Variants in SP100 observed in about 807,000 individuals in gnomAD.
SP100 encodes nuclear autoantigen Sp-100.
A neutral mutation model predicts 130.0 loss-of-function variants in SP100; 84 were observed. That is an observed-to-expected ratio of 0.65 (90% CI 0.54 to 0.77). The LOEUF (loss-of-function observed/expected upper bound fraction) is 0.77, where lower values mean the gene tolerates loss of function less well. Ranked by LOEUF, SP100 falls within the 30% of genes least tolerant of loss-of-function variation. SP100 has a pLI of 0.00. For synonymous variants in SP100, 331 were observed against 351.7 expected, an observed-to-expected ratio of 0.94 and a Z score of 0.66; for missense variants, 978 against 1,052.2, an observed-to-expected ratio of 0.93 and a Z score of 0.97.
Position 230,444,240 on chromosome 2 carries a change from T to G in SP100, c.333T>G (p.Ser111Arg). Reference sequence around the variant, plus strand: ...AGAGAGTGGTGTACAATGTTCTTAGTGAACTGGAGAAGACATTTAACCTGC... The same window carrying G: ...AGAGAGTGGTGTACAATGTTCTTAGGGAACTGGAGAAGACATTTAACCTGC... ...PVQRVVYNVL[S>R]ELEKTFNLPV... The change falls in exon 4 of 29, where the codon AGT becomes AGG. Residue 111 changes from serine (S) to arginine (R), a missense_variant. Physicochemically the swap from Ser to Arg is moderately radical, Grantham distance 110 (BLOSUM62 -1). Transcript: ENST00000340126. 1 of 1,612,750 alleles carries G rather than the reference T, an allele frequency of 6.2e-7. No homozygotes were observed. The highest frequency in any genetic ancestry group is 8.5e-7 in the Non-Finnish European group (1 of 1,178,730).
chr2:230,449,580 T>C lies in SP100; in HGVS notation c.606T>C (p.Asn202=), dbSNP rs148056053. ...GTTTAGGTACAACCCCACCTGAAAATGGACTCTCAGAGCACCCCTGTGAAA... is the reference window on the plus strand; with the variant it reads ...GTTTAGGTACAACCCCACCTGAAAACGGACTCTCAGAGCACCCCTGTGAAA... ...PSHAGTTPPE[N]GLSEHPCETE... is the part of the protein sequence containing the mutation. Residue 202 remains asparagine, a synonymous_variant, in exon 7 of 29, where the codon AAT becomes AAC. Transcript: ENST00000340126. 1.1e-5 allele frequency: 17 copies of C among 1,613,808 alleles called. No homozygotes were observed. The African/African-American group carries it at 1.5e-4, about 14-fold the overall frequency.
intron 15 of SP100, 190 bp downstream of exon 15, chr2:230,470,288 A>G: frequency 7.6e-7 from 1 of 1,319,232 alleles, no homozygotes. Context: ...GTTTAACAGA[A>G]AGAGTTTCAC....
chr2:230,482,023 T>C (rs990141913), intron 17 of SP100, among the ~76,000 whole-genome samples: 3 of 152,210 alleles, frequency 2.0e-5, no homozygotes, highest in Non-Finnish European at 4.4e-5. Context: ...TAGTTACATA[T>C]GTATACATGT....
intron 24 of SP100, among the ~76,000 whole-genome samples, chr2:230,532,396 A>C (rs1691740169): frequency 6.6e-6 from 1 of 152,112 alleles, no homozygotes; most frequent in Admixed American, 6.5e-5. Context: ...AAAAACTGTG[A>C]TATAGGTACA....
At position 230,515,252 on chromosome 2, in the gene SP100, C is replaced by T. The variant is rs749552018; in HGVS notation, c.2094+4086C>T. The T allele has an allele frequency of 6.1e-5, 99 of 1,613,094 alleles. 1 individual carries two copies. The Middle Eastern group carries it at 1.2e-3, about 19-fold the overall frequency. The stretch of plus-strand genomic sequence containing the variant: ...GCCCATTATGAAAGAGAAATGAAAA[C>T]CTATATCCCTCCTAAAGGGGAGAAA... On this transcript the variant is annotated intron_variant, in intron 24 of 28. Transcript: ENST00000340126.
intron 24 of SP100, among the ~76,000 whole-genome samples, chr2:230,536,786 G>A (rs1691960482): frequency 1.7e-5 from 1 of 60,532 alleles, no homozygotes; most frequent in African/African-American, 3.7e-5. Context: ...TCAGTGATTG[G>A]CTTTCTGCGT....
chr2:230,438,645 A>G (rs1199387270), intron 2 of SP100, among the ~76,000 whole-genome samples: 6 of 117,982 alleles, frequency 5.1e-5, no homozygotes, highest in Admixed American at 5.1e-4. Flanking sequence ...TGGTGTATAT[A>G]TATACACACA....
intron 23 of SP100, chr2:230,508,310 A>ATTTTTT: frequency 7.7e-6 from 1 of 129,140 alleles, no homozygotes; most frequent in South Asian, 1.7e-4. Flanking sequence ...TAAATGCCAT[A>ATTTTTT]CTTTTTTTTT....
chr2:230,515,090 G>C (rs977895815), intron 24 of SP100: 1 of 1,612,426 alleles, frequency 6.2e-7, no homozygotes. Flanking sequence ...GTGCAAACTT[G>C]TCAGGAGGAG....
In SP100 at chr2:230,461,317, A is replaced by T. The variant is rs750142442; in HGVS notation, c.876A>T (p.Arg292=). 5.6e-6 allele frequency: 9 copies of T among 1,614,098 alleles called. No homozygotes were observed. Among genetic ancestry groups the T allele is most frequent in the Non-Finnish European group, 7.6e-6 (9 of 1,179,958 alleles). Residue 292 remains arginine (R), a synonymous_variant, in exon 9 of 29, where the codon CGA becomes CGT. Coordinates refer to ENST00000340126, the MANE Select transcript of SP100 (RefSeq NM_001080391.2). ...HGIQINSCSV[R]LVDIKKEKPF... Reference sequence around the variant, plus strand: ...TCCAAATTAATTCCTGTTCTGTGCGACTGGTGGATATAAAAAAGGAAAAGC... The same window carrying T: ...TCCAAATTAATTCCTGTTCTGTGCGTCTGGTGGATATAAAAAAGGAAAAGC...
rs1453834271 is a variant in SP100, at chr2:230,545,122, CACAT to C, written c.*2177_*2180del. Among the ~76,000 whole-genome samples the C allele has an allele frequency of 6.6e-6, 1 of 152,202 alleles. No individual in the cohort carries two copies. On this transcript the variant is annotated 3_prime_UTR_variant, in exon 29 of 29. Transcript: ENST00000340126. ...AATATAAATCATTCTACCATAAAGA[CACAT>C]GCATGCAAATGTCCACTGCAGCACT... is the stretch of plus-strand genomic sequence containing the variant.
chr2:230,428,292 G>C (rs1184181847), intron 2 of SP100, among the ~76,000 whole-genome samples: 20 of 152,144 alleles, frequency 1.3e-4, no homozygotes, highest in Non-Finnish European at 2.5e-4. Flanking sequence ...ATAAAGAAAA[G>C]AGGTTTAATT....
chr2:230,433,314 C>T (rs1039582516), intron 2 of SP100, among the ~76,000 whole-genome samples: 2 of 152,076 alleles, frequency 1.3e-5, no homozygotes, highest in East Asian at 1.9e-4. Flanking sequence ...GACCAAAAAC[C>T]TAAGGATTTA....
rs1021444918 is a variant in SP100, at chr2:230,507,996, A to G, written c.2017A>G (p.Lys673Glu). The G allele has an allele frequency of 3.7e-6, 6 of 1,613,158 alleles. No individual in the cohort carries two copies. The Admixed American group carries it at 6.7e-5, about 18-fold the overall frequency. The change falls in exon 23 of 29, where the codon AAA (lysine) becomes GAA (glutamate). Residue 673 changes from lysine (K) to glutamate (E), a missense_variant. Physicochemically the swap from Lys to Glu is moderately conservative, Grantham distance 56. Transcript: ENST00000340126. Reference sequence around the variant, plus strand: ...ATTTATCTCTTTTCTTTTTTAGAACAAATTTCTGCCAGAACCACCAAGCAC... The same window carrying G: ...ATTTATCTCTTTTCTTTTTTAGAACGAATTTCTGCCAGAACCACCAAGCAC... ...GYTLKVLMEN[K>E]FLPEPPSTRK...
intron 4 of SP100, among the ~76,000 whole-genome samples, chr2:230,445,950 G>A (rs1455605662): frequency 1.3e-5 from 2 of 152,092 alleles, no homozygotes; most frequent in Non-Finnish European, 2.9e-5. Context: ...CCATCAGGGA[G>A]ATGCTGCTGA....
At chr2:230,493,361 G>A (rs1023488761) in intron 17 of SP100, among the ~76,000 whole-genome samples, 1 of 152,138 alleles carries the variant, frequency 6.6e-6, no homozygotes, top group Non-Finnish European at 1.5e-5. Context: ...GGGACTACAG[G>A]CATGTGCCAC....
chr2:230,516,227 T>TA (rs890380128), intron 24 of SP100: 34 of 227,174 alleles, frequency 1.5e-4, no homozygotes, highest in African/African-American at 7.7e-4. Flanking sequence ...AAAGCCTTGG[T>TA]AAAATAATCA....
At chr2:230,449,805 G>GC in intron 7 of SP100, 95 bp downstream of exon 7, 2 of 1,301,416 alleles carry the variant, frequency 1.5e-6, no homozygotes, top group Non-Finnish European at 2.2e-6. Flanking sequence ...GGAGACACCT[G>GC]TTTAACAAGC....
intron 2 of SP100, among the ~76,000 whole-genome samples, chr2:230,437,315 T>A (rs1267567866): frequency 6.6e-6 from 1 of 152,180 alleles, no homozygotes; most frequent in African/African-American, 2.4e-5. Flanking sequence ...ATTGGTTTTC[T>A]CTTTCTTCTT....
Sources: gnomAD v4.1 joint callset for allele counts (sites outside exome capture counted in the v4.1 genomes callset) on GRCh38, gnomAD v4.1.1 for gene constraint, MANE v1.5 for transcripts, NCBI Gene and HGNC (gene_info 2026-07-23, HGNC 2026-07-21) for gene names.